DGKI: variants seen among roughly 807,000 people sequenced by gnomAD.
DGKI encodes the protein diacylglycerol kinase iota.
Under a neutral mutation model 147.5 loss-of-function variants are expected in DGKI, and 55 were observed. That is an observed-to-expected ratio of 0.37 (90% CI 0.30 to 0.47). DGKI has a LOEUF of 0.47. DGKI is among the 20% of genes least tolerant of loss of function. DGKI has a pLI of 1.00. For synonymous variants in DGKI, 469 were observed against 477.1 expected, an observed-to-expected ratio of 0.98 and a Z score of 0.22; for missense variants, 1,007 against 1,323.8, an observed-to-expected ratio of 0.76 and a Z score of 3.71.
intron 1 of DGKI, among the ~76,000 whole-genome samples, chr7:137,795,601 G>A (rs1796997499): frequency 6.6e-6 from 1 of 152,188 alleles, no homozygotes. Context: ...TGGGAAATGA[G>A]AAGTCCACGG....
At chr7:137,767,086 T>G (rs1226642285) in intron 1 of DGKI, among the ~76,000 whole-genome samples, 1 of 151,870 alleles carries the variant, frequency 6.6e-6, no homozygotes, top group Non-Finnish European at 1.5e-5. Context: ...TGTGACCTGA[T>G]GGGGGGGCCA....
rs371694553 is a variant in DGKI at position 137,478,548 on chromosome 7, C to T, written c.2373+6826G>A. Among the ~76,000 whole-genome samples the T allele has an allele frequency of 2.6e-5, 4 of 152,306 alleles. No individual in the cohort carries two copies. The East Asian group carries it at 7.7e-4, about 29-fold the overall frequency. On this transcript the variant is annotated intron_variant, in intron 23 of 32. Coordinates refer to ENST00000614521, the MANE Select transcript of DGKI (RefSeq NM_001321708.2). The stretch of plus-strand genomic sequence containing the variant: ...ACTCTCGTTACTAATCCACACAGCT[C>T]ACATCAGGTAAACACCTTCTCTGTT...
chr7:137,726,183 A>T (rs943986970), intron 1 of DGKI, among the ~76,000 whole-genome samples: 2 of 152,038 alleles, frequency 1.3e-5, no homozygotes, highest in African/African-American at 4.8e-5. Context: ...GTTGCTAGGG[A>T]TCTTCCTTTC....
intron 1 of DGKI, among the ~76,000 whole-genome samples, chr7:137,759,946 C>A (rs1054339227): frequency 9.2e-5 from 14 of 152,136 alleles, no homozygotes; most frequent in Non-Finnish European, 1.8e-4. Context: ...AAAAGGCATA[C>A]TAGTTGTGGC....
intron 1 of DGKI, among the ~76,000 whole-genome samples, chr7:137,777,139 T>G (rs1448803170): frequency 6.6e-6 from 1 of 152,164 alleles, no homozygotes; most frequent in Admixed American, 6.5e-5. Context: ...CTGCAGTGAA[T>G]TATGATCATG....
In DGKI at chr7:137,381,721, T is replaced by C. The variant is rs937163175; in HGVS notation, c.*9499A>G. 5.9e-5 allele frequency: 9 copies of C among 152,078 alleles called. No individual in the cohort carries two copies. Among genetic ancestry groups the C allele is most frequent in the African/African-American group, 1.9e-4 (8 of 41,404 alleles). The allele number at this position is 152,078 out of a possible 1,614,324, so 9.4% of individuals were successfully genotyped here. A position where few individuals can be genotyped will look rare whatever the true frequency, so the allele number is the denominator to read the frequency against. On this transcript the variant is annotated 3_prime_UTR_variant, in exon 33 of 33. Coordinates refer to ENST00000614521, the MANE Select transcript of DGKI (RefSeq NM_001321708.2). ...AGATTCATGGTTGCCCACTTAACTA[T>C]TGGTAATTTTAAAAAACAGCCAAGC...
At chr7:137,657,235 TCA>T (rs1258028141) in intron 3 of DGKI, among the ~76,000 whole-genome samples, 1 of 152,200 alleles carries the variant, frequency 6.6e-6, no homozygotes, top group South Asian at 2.1e-4. Context: ...CACTTAACCC[TCA>T]CAACCCTATG....
intron 1 of DGKI, among the ~76,000 whole-genome samples, chr7:137,738,390 C>T (rs1455864302): frequency 1.3e-5 from 2 of 152,020 alleles, no homozygotes; most frequent in Non-Finnish European, 2.9e-5. Context: ...GAACTTTGGG[C>T]TACCTGAAGA....
At chr7:137,434,503 C>A (rs994026162) in intron 28 of DGKI, among the ~76,000 whole-genome samples, 1 of 152,142 alleles carries the variant, frequency 6.6e-6, no homozygotes, top group Non-Finnish European at 1.5e-5. Context: ...ATTGCTTGAA[C>A]CTGGGAGACG....
At chr7:137,417,164 C>A (rs1328294039) in intron 28 of DGKI, among the ~76,000 whole-genome samples, 1 of 152,130 alleles carries the variant, frequency 6.6e-6, no homozygotes, top group African/African-American at 2.4e-5. Flanking sequence ...GTCTTCTTGC[C>A]TTTCTCAAAA....
At chr7:137,502,382 T>G (rs1032274007) in intron 21 of DGKI, among the ~76,000 whole-genome samples, 7 of 152,186 alleles carry the variant, frequency 4.6e-5, no homozygotes, top group Non-Finnish European at 7.3e-5. Context: ...TGTGTCATGT[T>G]GCATAGCATT....
At chr7:137,824,536 G>A (rs12665888) in intron 1 of DGKI, among the ~76,000 whole-genome samples, 408 of 39,698 alleles carry the variant, frequency 0.01, 98 homozygotes, top group Middle Eastern at 0.019. Context: ...AAAAGAAAAA[G>A]AAAAGAAAAT....
chr7:137,568,674 A>G (rs993215209), intron 19 of DGKI, among the ~76,000 whole-genome samples: 3 of 152,104 alleles, frequency 2.0e-5, no homozygotes, highest in African/African-American at 7.2e-5. Flanking sequence ...CCTATCACGT[A>G]ACCCTTTCCA....
At chr7:137,587,309 G>T (rs906223950) in intron 12 of DGKI, 99 bp from the exon 13 acceptor site, 23 of 846,720 alleles carry the variant, frequency 2.7e-5, no homozygotes, top group South Asian at 5.3e-5. Flanking sequence ...TAAACAGAAT[G>T]GTTTTATTTT....
Position 137,725,025 on chromosome 7 carries a change from G to A in DGKI, c.402-35023C>T, listed in dbSNP as rs78166890. Among the ~76,000 whole-genome samples, 85 of 152,178 alleles carry A rather than the reference G, an allele frequency of 5.6e-4. 2 individuals carry two copies. In the East Asian group the frequency reaches 0.014, roughly 25 times the overall value. ...GAGGAGGAAAAGCAGAGGAGAAAAG[G>A]GCAAAGCTCTTTATACAGAGGTGAG... On this transcript the variant is annotated intron_variant, in intron 1 of 32. Transcript: ENST00000614521.
chr7:137,765,493 G>T (rs1795989289), intron 1 of DGKI, among the ~76,000 whole-genome samples: 1 of 152,218 alleles, frequency 6.6e-6, no homozygotes, highest in East Asian at 1.9e-4. Flanking sequence ...CTTCCAACTT[G>T]CTGGCAAAGT....
At chr7:137,726,374 C>T (rs10262901) in intron 1 of DGKI, among the ~76,000 whole-genome samples, 2,310 of 152,302 alleles carry the variant, frequency 0.015, 61 homozygotes, top group African/African-American at 0.053. Context: ...CTCCACTTTT[C>T]CCTTCCAATC....
chr7:137,550,261 T>A (rs544416257), intron 20 of DGKI, among the ~76,000 whole-genome samples: 36 of 151,504 alleles, frequency 2.4e-4, no homozygotes, highest in African/African-American at 8.2e-4. Context: ...TGCCTTGTGG[T>A]CCTAGAGATT....
intron 21 of DGKI, among the ~76,000 whole-genome samples, chr7:137,517,842 G>A (rs1421288342): frequency 6.6e-6 from 1 of 152,082 alleles, no homozygotes. Context: ...ATAGATTTAA[G>A]TATCTTGTCA....
Sources: gnomAD v4.1 joint callset for allele counts (sites outside exome capture counted in the v4.1 genomes callset) on GRCh38, gnomAD v4.1.1 for gene constraint, MANE v1.5 for transcripts, NCBI Gene and HGNC (gene_info 2026-07-23, HGNC 2026-07-21) for gene names.